ZFPM1: variants seen among roughly 807,000 people sequenced by gnomAD.
ZFPM1 encodes the protein zinc finger protein, FOG family member 1.
A neutral mutation model predicts 46.3 loss-of-function variants in ZFPM1; 28 were observed. The ratio of observed to expected loss-of-function variants is 0.60; its 90% CI spans 0.45 to 0.83. ZFPM1 has a LOEUF of 0.83. Ranked by LOEUF, ZFPM1 falls within the 40% of genes least tolerant of loss-of-function variation. ZFPM1 has a pLI of 0.00. For missense variants in ZFPM1, 1,878 were observed against 1,432.4 expected (o/e 1.31, Z -5.02); for synonymous variants, 957 against 675.9 (o/e 1.42, Z -6.45).
chr16:88,523,284 C>T (rs1699385842), intron 4 of ZFPM1, among the ~76,000 whole-genome samples: 1 of 152,050 alleles, frequency 6.6e-6, no homozygotes, highest in African/African-American at 2.4e-5. Flanking sequence ...GAAGGGCCTG[C>T]AGCACCAGAG....
chr16:88,470,248 C>T (rs1165315530), intron 1 of ZFPM1, among the ~76,000 whole-genome samples: 1 of 152,194 alleles, frequency 6.6e-6, no homozygotes, highest in African/African-American at 2.4e-5. Flanking sequence ...CAGGGCCACC[C>T]CACCTGTCCT....
chr16:88,533,012 G>C, intron 9 of ZFPM1, 77 bp downstream of exon 9: 1 of 1,578,140 alleles, frequency 6.3e-7, no homozygotes, highest in Non-Finnish European at 8.6e-7. Flanking sequence ...TGTCGCCCAA[G>C]ACAGGTGGGG....
At chr16:88,461,094 A>AGGGGC (rs1555522084) in intron 1 of ZFPM1, among the ~76,000 whole-genome samples, 2 of 77,998 alleles carry the variant, frequency 2.6e-5, no homozygotes, top group African/African-American at 1.3e-4. Flanking sequence ...GTGAGGACCA[A>AGGGGC]GGGGCAGGAG....
chr16:88,476,342 C>T (rs1330990408), intron 1 of ZFPM1, among the ~76,000 whole-genome samples: 1 of 152,230 alleles, frequency 6.6e-6, no homozygotes, highest in Non-Finnish European at 1.5e-5. Flanking sequence ...CCGTGTCCAT[C>T]AGCATTTGCT....
chr16:88,526,015 A>T (rs1219469337), intron 4 of ZFPM1, among the ~76,000 whole-genome samples: 2 of 152,046 alleles, frequency 1.3e-5, no homozygotes, highest in East Asian at 3.9e-4. Context: ...CACCCATGAG[A>T]TGGAGAGGAG....
intron 3 of ZFPM1, among the ~76,000 whole-genome samples, chr16:88,493,080 CG>C (rs1383551108): frequency 8.6e-6 from 1 of 116,068 alleles, no homozygotes; most frequent in Non-Finnish European, 1.8e-5. Flanking sequence ...TCCCGGGGTG[CG>C]GGGAGCTGTC....
intron 3 of ZFPM1, among the ~76,000 whole-genome samples, chr16:88,500,408 C>T (rs9806887): frequency 0.02 from 3,022 of 152,354 alleles, 28 homozygotes; most frequent in Middle Eastern, 0.051. Flanking sequence ...ACAAGCGTGT[C>T]GCTGGCAGCT....
chr16:88,521,777 CACACCCTGTGCTGT>C (rs1911918299), intron 4 of ZFPM1, among the ~76,000 whole-genome samples: 1 of 137,918 alleles, frequency 7.3e-6, no homozygotes, highest in African/African-American at 2.9e-5. Flanking sequence ...GTGCTGTTCC[CACACCCTGTGCTGT>C]TCCCTCCCCT....
intron 3 of ZFPM1, among the ~76,000 whole-genome samples, chr16:88,494,179 G>C (rs180781882): frequency 0.011 from 1,616 of 152,282 alleles, 28 homozygotes; most frequent in African/African-American, 0.037. Context: ...CTCGGATTGG[G>C]GGGTGCGGGC....
chr16:88,526,714 G>T, intron 4 of ZFPM1, 100 bp from the exon 5 acceptor site: 1 of 1,302,928 alleles, frequency 7.7e-7, no homozygotes, highest in Non-Finnish European at 1.1e-6. Flanking sequence ...AGCCAAGCCG[G>T]GAGGCAGATC....
chr16:88,498,416 G>C (rs1235757234), intron 3 of ZFPM1, among the ~76,000 whole-genome samples: 1 of 152,236 alleles, frequency 6.6e-6, no homozygotes, highest in Admixed American at 6.5e-5. Context: ...CCTGGAACCA[G>C]AAAGAACATG....
At chr16:88,461,009 G>C (rs112412926) in intron 1 of ZFPM1, among the ~76,000 whole-genome samples, 813 of 52,482 alleles carry the variant, frequency 0.015, 115 homozygotes, top group African/African-American at 0.042. Context: ...GGTGAGGACC[G>C]AGGGGTGGGG....
Position 88,486,653 on chromosome 16 carries a change from G to A in ZFPM1, c.145+610G>A, listed in dbSNP as rs118123544. ...GTGGGTACTAGGTGCACAGTGGATC[G>A]GTCCTGGGTGCACAGTGGGTGCTAG... On this transcript the variant is annotated intron_variant, in intron 2 of 9. Coordinates refer to ENST00000319555, the MANE Select transcript of ZFPM1 (RefSeq NM_153813.3). Among the ~76,000 whole-genome samples, 19 of 148,760 alleles carry A rather than the reference G, an allele frequency of 1.3e-4. No individual in the cohort carries two copies. The East Asian group carries it at 3.4e-3, about 27-fold the overall frequency.
intron 3 of ZFPM1, among the ~76,000 whole-genome samples, chr16:88,503,795 G>C (rs1347866538): frequency 1.3e-5 from 2 of 152,056 alleles, no homozygotes; most frequent in Non-Finnish European, 2.9e-5. Context: ...CTGTACCCCA[G>C]TTAGCGCCTC....
intron 1 of ZFPM1, among the ~76,000 whole-genome samples, chr16:88,483,064 C>T (rs546684528): frequency 6.6e-5 from 10 of 152,228 alleles, no homozygotes; most frequent in Admixed American, 3.3e-4. Flanking sequence ...GGAGCCTGCC[C>T]GTGTGGGCGC....
chr16:88,505,449 C>G (rs1910595442), intron 3 of ZFPM1, among the ~76,000 whole-genome samples: 1 of 152,220 alleles, frequency 6.6e-6, no homozygotes, highest in African/African-American at 2.4e-5. Flanking sequence ...CCCTGAGGGG[C>G]TGACAGTCCA....
At position 88,499,129 on chromosome 16, in the gene ZFPM1, C is replaced by T. The variant is rs542342804; in HGVS notation, c.268+9976C>T. 5.9e-5 allele frequency among the ~76,000 whole-genome samples: 9 copies of T among 152,304 alleles called. No individual in the cohort carries two copies. The South Asian group carries it at 1.0e-3, about 18-fold the overall frequency. On this transcript the variant is annotated intron_variant, in intron 3 of 9. Transcript: ENST00000319555. ...CGTGGCTCCCCCATGACCAGGCTGC[C>T]GGCACCCTGGGGCCTGGCTGACCTC...
rs746361438 is a variant in ZFPM1 at position 88,528,063 on chromosome 16, G to A, written c.537G>A (p.Pro179=). ...CACTCTGGTGCAGGGTCACCAAGCC[G>A]GTGCCTGCGGGGGGACTCCTGAGCG... The part of the protein sequence containing the change: ...DDALWCRVTK[P]VPAGGLLSVL... The change falls in exon 6 of 10, where the codon CCG becomes CCA. Residue 179 remains proline, a synonymous_variant. Transcript: ENST00000319555. 5.4e-5 allele frequency: 84 copies of A among 1,558,244 alleles called. No individual in the cohort carries two copies. In the Admixed American group the frequency reaches 5.5e-4, roughly 10 times the overall value.
intron 1 of ZFPM1, among the ~76,000 whole-genome samples, chr16:88,473,916 G>A (rs74032885): frequency 3.3e-5 from 5 of 152,214 alleles, no homozygotes; most frequent in Middle Eastern, 3.4e-3. Flanking sequence ...CGGCTCTTCC[G>A]CAAGGGGTTT....
Sources: allele counts gnomAD v4.1 joint callset (sites outside exome capture counted in the v4.1 genomes callset), GRCh38; gene constraint gnomAD v4.1.1; transcripts MANE v1.5; gene names NCBI Gene and HGNC (gene_info 2026-07-23, HGNC 2026-07-21).